ZNF704: variants seen among roughly 807,000 people sequenced by gnomAD.
ZNF704 encodes zinc finger protein 704, also known as glucocorticoid induced gene 1.
Under a neutral mutation model 44.7 loss-of-function variants are expected in ZNF704, and 10 were observed. The ratio of observed to expected loss-of-function variants is 0.22; its 90% CI spans 0.14 to 0.38. The LOEUF is 0.38. ZNF704 is among the 10% of genes least tolerant of loss of function. ZNF704 has a pLI of 1.00. For synonymous variants in ZNF704, 211 were observed against 207.6 expected, an observed-to-expected ratio of 1.02 and a Z score of -0.14; for missense variants, 390 against 545.5, an observed-to-expected ratio of 0.71 and a Z score of 2.84.
chr8:80,843,081 T>C (rs528334295), intron 1 of ZNF704, among the ~76,000 whole-genome samples: 51 of 152,338 alleles, frequency 3.3e-4, no homozygotes, highest in African/African-American at 1.2e-3. Context: ...GAAGATATTA[T>C]TTTCCACCAA....
chr8:80,804,564 T>C (rs1186239409), intron 2 of ZNF704, among the ~76,000 whole-genome samples: 2 of 152,260 alleles, frequency 1.3e-5, no homozygotes, highest in African/African-American at 4.8e-5. Flanking sequence ...CTCAGCAAAC[T>C]AATGCAGGAA....
At chr8:80,817,803 TAATAACTTCC>T (rs1808201447) in intron 2 of ZNF704, among the ~76,000 whole-genome samples, 1 of 152,222 alleles carries the variant, frequency 6.6e-6, no homozygotes, top group African/African-American at 2.4e-5. Context: ...TGTTTCAAAT[TAATAACTTCC>T]TTAAAACTAA....
chr8:80,782,778 G>A (rs1018409544), intron 2 of ZNF704, among the ~76,000 whole-genome samples: 1 of 152,114 alleles, frequency 6.6e-6, no homozygotes, highest in Non-Finnish European at 1.5e-5. Context: ...GCAGGTGAAT[G>A]GCACCAGGAT....
chr8:80,815,635 A>G (rs140805382), intron 2 of ZNF704, among the ~76,000 whole-genome samples: 39 of 152,374 alleles, frequency 2.6e-4, no homozygotes, highest in African/African-American at 9.4e-4. Context: ...AATGGTGATG[A>G]TAAGGAACAA....
intron 2 of ZNF704, among the ~76,000 whole-genome samples, chr8:80,770,947 T>C (rs1330085793): frequency 2.0e-5 from 3 of 152,202 alleles, no homozygotes; most frequent in African/African-American, 4.8e-5. Flanking sequence ...GGATATCCAA[T>C]TGCTTCTCCA....
At chr8:80,723,718 G>A (rs1806417876) in intron 2 of ZNF704, among the ~76,000 whole-genome samples, 1 of 152,100 alleles carries the variant, frequency 6.6e-6, no homozygotes, top group Admixed American at 6.5e-5. Context: ...AAAAATCTAA[G>A]ATGTCAACTT....
intron 2 of ZNF704, among the ~76,000 whole-genome samples, chr8:80,764,428 T>A (rs867074254): frequency 3.3e-5 from 5 of 152,144 alleles, no homozygotes; most frequent in African/African-American, 1.2e-4. Flanking sequence ...TCAGATCTCA[T>A]GAGAACTCAC....
At chr8:80,688,880 A>C (rs2131633288) in intron 3 of ZNF704, among the ~76,000 whole-genome samples, 1 of 150,756 alleles carries the variant, frequency 6.6e-6, no homozygotes. Flanking sequence ...GATCACTTGA[A>C]CTTGGGAGGC....
At chr8:80,879,082 A>G (rs1294178478), upstream of ZNF704, among the ~76,000 whole-genome samples, 2 of 152,204 alleles carry the variant, frequency 1.3e-5, no homozygotes, top group Non-Finnish European at 2.9e-5. Flanking sequence ...CACAACTCTA[A>G]TATGAATGAG....
chr8:80,710,016 T>C (rs1363620022), intron 2 of ZNF704, among the ~76,000 whole-genome samples: 1 of 152,196 alleles, frequency 6.6e-6, no homozygotes, highest in African/African-American at 2.4e-5. Flanking sequence ...TAGACATCTT[T>C]GCCAGCTTCC....
intron 2 of ZNF704, among the ~76,000 whole-genome samples, chr8:80,758,693 G>T (rs1005879882): frequency 6.6e-6 from 1 of 151,748 alleles, no homozygotes; most frequent in African/African-American, 2.4e-5. Context: ...AACCACATAA[G>T]GTAGGCATCC....
Position 80,641,346 on chromosome 8 carries a change from C to T in ZNF704, c.*20G>A, listed in dbSNP as rs751671293. On this transcript the variant is annotated 3_prime_UTR_variant, in exon 9 of 9. Coordinates refer to ENST00000327835, the MANE Select transcript of ZNF704 (RefSeq NM_001033723.3). ...GGCAGGAGCGGCTCAGGGCCCTGAG[C>T]CCCTCTGCCTGGGGGTCTCTCAGTC... 4.5e-6 allele frequency: 7 copies of T among 1,565,050 alleles called. No homozygotes were observed. The African/African-American group carries it at 5.4e-5, about 12-fold the overall frequency.
rs563686223 is a variant in ZNF704 at position 80,649,644 on chromosome 8, G to GT, written c.1033-6516dup. Reference sequence around the variant, plus strand: ...GGCACCCGCCATTGCCGAGGCTTGAGTAGGTAAACAAAGCAGCCAGGAAGC... The same window carrying GT: ...GGCACCCGCCATTGCCGAGGCTTGAGTTAGGTAAACAAAGCAGCCAGGAAGC... On this transcript the variant is annotated intron_variant, in intron 7 of 8. Transcript: ENST00000327835. Among the ~76,000 whole-genome samples the GT allele has an allele frequency of 8.8e-4, 134 of 152,344 alleles. 1 individual carries two copies. The highest frequency in any genetic ancestry group is 3.1e-3 in the African/African-American group (129 of 41,580).
intron 7 of ZNF704, among the ~76,000 whole-genome samples, chr8:80,652,242 A>G (rs1190981581): frequency 6.6e-6 from 1 of 151,906 alleles, no homozygotes; most frequent in Non-Finnish European, 1.5e-5. Context: ...ACACCCTAAC[A>G]TCACAATTAA....
intron 1 of ZNF704, among the ~76,000 whole-genome samples, chr8:80,869,081 T>G (rs111742511): frequency 8.5e-5 from 13 of 152,346 alleles, no homozygotes; most frequent in African/African-American, 2.6e-4. Context: ...TCATCCCTTC[T>G]GTAGAATGAA....
intron 2 of ZNF704, among the ~76,000 whole-genome samples, chr8:80,820,451 C>G (rs891332396): frequency 3.9e-5 from 6 of 151,904 alleles, no homozygotes; most frequent in African/African-American, 1.2e-4. Context: ...TCAGATAAAC[C>G]CTCTTGGTTG....
intron 2 of ZNF704, among the ~76,000 whole-genome samples, chr8:80,709,075 G>A (rs1403744065): frequency 6.6e-6 from 1 of 152,058 alleles, no homozygotes; most frequent in Non-Finnish European, 1.5e-5. Context: ...TTCCTACTTG[G>A]TATGTTATTT....
chr8:80,848,235 A>G (rs982393245), intron 1 of ZNF704, among the ~76,000 whole-genome samples: 1 of 152,208 alleles, frequency 6.6e-6, no homozygotes, highest in Non-Finnish European at 1.5e-5. Context: ...GGGGTTAGGA[A>G]CGGCGGAGAG....
intron 1 of ZNF704, among the ~76,000 whole-genome samples, chr8:80,833,029 C>T (rs1808495049): frequency 6.6e-6 from 1 of 152,040 alleles, no homozygotes; most frequent in African/African-American, 2.4e-5. Context: ...ATAATAAAAA[C>T]ATTTGATTCT....
Sources: allele counts gnomAD v4.1 joint callset (sites outside exome capture counted in the v4.1 genomes callset), GRCh38; gene constraint gnomAD v4.1.1; transcripts MANE v1.5; gene names NCBI Gene and HGNC (gene_info 2026-07-23, HGNC 2026-07-21).